SCN2A: variants seen among roughly 807,000 people sequenced by gnomAD.
The protein encoded by SCN2A is sodium voltage-gated channel alpha subunit 2.
Under a neutral mutation model 188.7 loss-of-function variants are expected in SCN2A, and 20 were observed. That is an observed-to-expected ratio of 0.11 (90% CI 0.07 to 0.15). The LOEUF is 0.15. Ranked by LOEUF, SCN2A falls within the 10% of genes least tolerant of loss-of-function variation. The probability of loss-of-function intolerance (pLI) is 1.00; values close to 1 mark genes in which losing one functional copy is unlikely to be tolerated. For missense variants in SCN2A, 1,278 were observed against 2,445.0 expected, an observed-to-expected ratio of 0.52 and a Z score of 10.07; for synonymous variants, 804 against 833.1, an observed-to-expected ratio of 0.97 and a Z score of 0.60.
chr2:165,384,031 C>A, intron 25 of SCN2A, among the ~76,000 whole-genome samples: 1 of 151,936 alleles, frequency 6.6e-6, no homozygotes, highest in Non-Finnish European at 1.5e-5. Context: ...AGATCGAAGA[C>A]AGAGGGAATA....
Position 165,390,705 on chromosome 2 carries a change from C to T in SCN2A, c.*881C>T, listed in dbSNP as rs1574756641. 6.6e-6 allele frequency: 1 copy of T among 152,320 alleles called. No homozygotes were observed. Among genetic ancestry groups the T allele is most frequent in the Admixed American group, 6.6e-5 (1 of 15,224 alleles). 9.4% of individuals were successfully genotyped at this position (152,320 alleles called of 1,614,324 possible). ...ACCATTACATTGTCATTCACAGTCC[C>T]AGCAGCATGACTATCACATTTTTGA... On this transcript the variant is annotated 3_prime_UTR_variant, in exon 27 of 27. Coordinates refer to ENST00000375437, the MANE Select transcript of SCN2A (RefSeq NM_001040142.2).
At chr2:165,286,885 G>C (rs2106129562) in intron 1 of SCN2A, among the ~76,000 whole-genome samples, 1 of 152,136 alleles carries the variant, frequency 6.6e-6, no homozygotes, top group African/African-American at 2.4e-5. Context: ...ACGCTTTTGG[G>C]GATTTGCTCA....
intron 1 of SCN2A, chr2:165,293,817 A>T: frequency 1.0e-6 from 1 of 985,136 alleles, no homozygotes; most frequent in Non-Finnish European, 1.2e-6. Context: ...TCAGTTCCAC[A>T]ACTGAGAGCT....
chr2:165,306,922 C>T (rs1249591996), intron 3 of SCN2A, among the ~76,000 whole-genome samples: 2 of 152,092 alleles, frequency 1.3e-5, no homozygotes, highest in African/African-American at 4.8e-5. Context: ...ATAATGGCAA[C>T]TAAATCTTTA....
chr2:165,382,814 T>C (rs1294237602), intron 25 of SCN2A, among the ~76,000 whole-genome samples: 1 of 152,130 alleles, frequency 6.6e-6, no homozygotes, highest in African/African-American at 2.4e-5. Context: ...CAAAATTCAA[T>C]TGAGCTCTGA....
chr2:165,266,409 T>C (rs1255698764), intron 1 of SCN2A: 1 of 152,104 alleles, frequency 6.6e-6, no homozygotes, highest in Admixed American at 6.6e-5. Context: ...CTCCATAAAT[T>C]TGAGGTATCT....
intron 17 of SCN2A, among the ~76,000 whole-genome samples, chr2:165,363,927 T>C (rs151287332): frequency 6.6e-5 from 10 of 152,266 alleles, no homozygotes; most frequent in Admixed American, 4.6e-4. Flanking sequence ...CATACATCAA[T>C]ATTTTTTAAG....
At chr2:165,365,117 TG>T (rs1700655123) in intron 17 of SCN2A, 25 bp from the exon 18 acceptor site, 6 of 1,604,674 alleles carry the variant, frequency 3.7e-6, no homozygotes, top group Non-Finnish European at 5.1e-6. Context: ...TAATTAAATG[TG>T]TTTTTTTGTG....
intron 14 of SCN2A, among the ~76,000 whole-genome samples, chr2:165,338,942 C>T (rs1048101131): frequency 6.6e-6 from 1 of 152,088 alleles, no homozygotes; most frequent in Non-Finnish European, 1.5e-5. Context: ...TACATCTAGC[C>T]GGGCGTGGAG....
chr2:165,352,029 G>C lies in SCN2A; in HGVS notation c.2920-2163G>C, dbSNP rs1485593675. ...GTCCAGTACAGAGGCAATATAATTGGCTCCCGCCCTGGGGAAGGATTGATG... is the reference window on the plus strand; with the variant it reads ...GTCCAGTACAGAGGCAATATAATTGCCTCCCGCCCTGGGGAAGGATTGATG... On this transcript the variant is annotated intron_variant, in intron 16 of 26. Transcript: ENST00000375437. Among the ~76,000 whole-genome samples, 4 of 152,006 alleles carry C rather than the reference G, an allele frequency of 2.6e-5. No individual in the cohort carries two copies. In the East Asian group the frequency reaches 7.7e-4, roughly 29 times the overall value.
In SCN2A at chr2:165,331,391, G is replaced by C. The variant is rs780959122; in HGVS notation, c.2211G>C (p.Leu737Phe). The C allele has an allele frequency of 6.2e-7, 1 of 1,613,808 alleles. No homozygotes were observed. The highest frequency in any genetic ancestry group is 2.2e-5 in the East Asian group (1 of 44,864). ...GGTATAAATTTGCTAATATGTGTTT[G>C]ATTTGGGACTGTTGTAAACCATGGT... The part of the protein sequence containing the change: ...PCWYKFANMC[L>F]IWDCCKPWLK... The change falls in exon 14 of 27, where the codon TTG becomes TTC. Residue 737 changes from leucine (L) to phenylalanine (F), a missense_variant. Around this residue, in one of 17 missense-constraint regions of SCN2A, gnomAD observed 315 missense variants for 386.6 expected, o/e 0.81. Coordinates refer to ENST00000375437, the MANE Select transcript of SCN2A (RefSeq NM_001040142.2).
At chr2:165,261,296 TTATCTC>T (rs1694585404) in intron 1 of SCN2A, among the ~76,000 whole-genome samples, 1 of 152,226 alleles carries the variant, frequency 6.6e-6, no homozygotes, top group African/African-American at 2.4e-5. Context: ...CTGGACTAGA[TTATCTC>T]TAAAGTGTCT....
intron 1 of SCN2A, among the ~76,000 whole-genome samples, chr2:165,259,327 C>A (rs1169179696): frequency 6.6e-6 from 1 of 152,122 alleles, no homozygotes; most frequent in African/African-American, 2.4e-5. Flanking sequence ...GTGGCAACTT[C>A]TTAAAATAAG....
intron 17 of SCN2A, among the ~76,000 whole-genome samples, chr2:165,357,523 T>C (rs899515098): frequency 2.2e-4 from 33 of 152,338 alleles, no homozygotes; most frequent in Admixed American, 6.5e-5. Flanking sequence ...GCTAAATTTG[T>C]ATGATTCTTC....
intron 13 of SCN2A, 115 bp from the exon 14 acceptor site, chr2:165,331,215 A>C: frequency 1.2e-6 from 1 of 835,330 alleles, no homozygotes; most frequent in Non-Finnish European, 2.0e-6. Context: ...CCAGCAGATT[A>C]ACCCATAATA....
At chr2:165,284,750 A>G (rs533125756) in intron 1 of SCN2A, among the ~76,000 whole-genome samples, 8 of 152,328 alleles carry the variant, frequency 5.3e-5, no homozygotes, top group Admixed American at 5.2e-4. Flanking sequence ...TTTCTTTCTT[A>G]CCTGATTATT....
intron 14 of SCN2A, among the ~76,000 whole-genome samples, chr2:165,335,301 C>T (rs906557936): frequency 7.9e-5 from 12 of 151,464 alleles, no homozygotes; most frequent in African/African-American, 1.2e-4. Flanking sequence ...GCCACACAAT[C>T]TTAACTAGAA....
At chr2:165,295,036 T>G (rs1208812712) in intron 1 of SCN2A, among the ~76,000 whole-genome samples, 1 of 152,220 alleles carries the variant, frequency 6.6e-6, no homozygotes, top group Non-Finnish European at 1.5e-5. Context: ...TTACACTAGC[T>G]AGCAGCAGGT....
At chr2:165,318,409 T>C (rs886704227) in intron 11 of SCN2A, among the ~76,000 whole-genome samples, 1 of 152,216 alleles carries the variant, frequency 6.6e-6, no homozygotes, top group African/African-American at 2.4e-5. Flanking sequence ...TTATTTGTGA[T>C]AAGCTAGGAG....
Sources: gnomAD v4.1 joint callset for allele counts (sites outside exome capture counted in the v4.1 genomes callset) on GRCh38, gnomAD v4.1.1 for gene constraint, gnomAD v4.1.1 regional missense constraint, MANE v1.5 for transcripts, NCBI Gene and HGNC (gene_info 2026-07-23, HGNC 2026-07-21) for gene names.